The following CHST9 variants were observed in gnomAD, a reference collection of about 807,000 sequenced individuals.
CHST9 encodes carbohydrate sulfotransferase 9.
A neutral mutation model predicts 44.4 loss-of-function variants in CHST9; 41 were observed. The ratio of observed to expected loss-of-function variants is 0.92; its 90% CI spans 0.72 to 1.20. The LOEUF (loss-of-function observed/expected upper bound fraction) is 1.20. Ranked by LOEUF, CHST9 falls within the 50% of genes most tolerant of loss-of-function variation. The probability of loss-of-function intolerance (pLI) is 0.00; values close to 1 mark genes in which losing one functional copy is unlikely to be tolerated. For synonymous variants in CHST9, 171 were observed against 178.4 expected (o/e 0.96, Z 0.33); for missense variants, 504 against 516.5 (o/e 0.98, Z 0.23).
intron 2 of CHST9, among the ~76,000 whole-genome samples, chr18:27,137,107 T>C (rs150541316): frequency 0.01 from 1,571 of 152,140 alleles, 30 homozygotes; most frequent in African/African-American, 0.036. Context: ...ATACAGACAA[T>C]TAATAAGTCA....
chr18:27,052,076 T>C (rs1295651433), intron 2 of CHST9, among the ~76,000 whole-genome samples: 1 of 151,892 alleles, frequency 6.6e-6, no homozygotes, highest in Non-Finnish European at 1.5e-5. Flanking sequence ...CCTCAAATAA[T>C]TTTTTTTATG....
intron 2 of CHST9, among the ~76,000 whole-genome samples, chr18:27,141,591 C>CAAAA (rs34920055): frequency 3.4e-3 from 168 of 49,932 alleles, no homozygotes; most frequent in Middle Eastern, 0.021. Context: ...AATCCCGACT[C>CAAAA]AAAAAAAAAA....
chr18:27,125,744 C>G (rs759323196), intron 2 of CHST9, among the ~76,000 whole-genome samples: 9 of 152,146 alleles, frequency 5.9e-5, no homozygotes, highest in Non-Finnish European at 1.2e-4. Context: ...GGGAAGCTTC[C>G]TGAGAAGATA....
chr18:27,056,404 T>C (rs560681651), intron 2 of CHST9, among the ~76,000 whole-genome samples: 37 of 152,298 alleles, frequency 2.4e-4, no homozygotes, highest in African/African-American at 8.4e-4. Context: ...TTTTTAGCTG[T>C]GGTGATTAAG....
In CHST9 at chr18:27,095,918, A is replaced by G. The variant is rs1075312; in HGVS notation, c.121+46771T>C. Among the ~76,000 whole-genome samples the G allele has an allele frequency of 5.3e-3, 800 of 152,108 alleles. 5 individuals carry two copies. The highest frequency in any genetic ancestry group is 0.01 in the Middle Eastern group (3 of 294). On this transcript the variant is annotated intron_variant, in intron 2 of 5. Transcript: ENST00000618847. ...CGAAGAAATTCTGGACTTAAACTGAACATGTGACCAATTGGACCTAATAGA... is the reference window on the plus strand; with the variant it reads ...CGAAGAAATTCTGGACTTAAACTGAGCATGTGACCAATTGGACCTAATAGA...
intron 2 of CHST9, among the ~76,000 whole-genome samples, chr18:27,054,576 CTT>C (rs1283843723): frequency 1.3e-5 from 2 of 152,212 alleles, no homozygotes; most frequent in East Asian, 3.9e-4. Context: ...CTATTTTAGA[CTT>C]GAGGTTGTGG....
At chr18:27,111,907 A>C (rs1161531459) in intron 2 of CHST9, among the ~76,000 whole-genome samples, 1 of 148,094 alleles carries the variant, frequency 6.8e-6, no homozygotes, top group Non-Finnish European at 1.5e-5. Flanking sequence ...CTTGGACTGG[A>C]ATCTACACCA....
chr18:27,094,065 A>G (rs1386883356), intron 2 of CHST9, among the ~76,000 whole-genome samples: 1 of 152,170 alleles, frequency 6.6e-6, no homozygotes, highest in Admixed American at 6.5e-5. Flanking sequence ...TTTCACAATG[A>G]GAGAATTAAA....
chr18:27,147,664 C>CAG (rs949648230), intron 1 of CHST9: 1 of 152,364 alleles, frequency 6.6e-6, no homozygotes, highest in African/African-American at 2.4e-5. Flanking sequence ...CTCTGAAAAA[C>CAG]AGGAGTCCTC....
At chr18:27,124,375 CAA>C (rs1212615998) in intron 2 of CHST9, among the ~76,000 whole-genome samples, 11 of 152,276 alleles carry the variant, frequency 7.2e-5, no homozygotes, top group African/African-American at 2.2e-4. Context: ...TGTGAATGAA[CAA>C]AGACTTATGC....
In CHST9 at chr18:26,916,577, C is replaced by G. The variant is rs751254187; in HGVS notation, c.1014G>C (p.Leu338=). The change falls in exon 6 of 6, where the codon CTG becomes CTC. Residue 338 remains leucine (L), a synonymous_variant. Coordinates refer to ENST00000618847, the MANE Select transcript of CHST9 (RefSeq NM_031422.6). ...CCATTCCTACTGGACGGTGGGAATC[C>G]AGCAAGTAGTGGATAAACTCTTTGA... is the stretch of plus-strand genomic sequence containing the variant. The part of the protein sequence containing the change: ...VKFKEFIHYL[L]DSHRPVGMDI... The G allele has an allele frequency of 3.1e-6, 5 of 1,613,696 alleles. No individual in the cohort carries two copies. In the African/African-American group the frequency reaches 4.0e-5, roughly 13 times the overall value.
At chr18:26,998,576 A>G (rs1175941955) in intron 4 of CHST9, among the ~76,000 whole-genome samples, 2 of 152,024 alleles carry the variant, frequency 1.3e-5, no homozygotes, top group African/African-American at 4.8e-5. Flanking sequence ...AGATACAAAA[A>G]TTAGCTGGGT....
At position 26,923,131 on chromosome 18, in the gene CHST9, G is replaced by A. The variant is rs969728965; in HGVS notation, c.241-5781C>T. 3.3e-5 allele frequency among the ~76,000 whole-genome samples: 5 copies of A among 152,298 alleles called. No individual in the cohort carries two copies. The East Asian group carries it at 9.6e-4, about 29-fold the overall frequency. On this transcript the variant is annotated intron_variant, in intron 5 of 5. Transcript: ENST00000618847. ...CAAGTGCGGACTTTATTCATATACA[G>A]TTGGTATTCTCATAGGGAAAAGTAT... is the stretch of plus-strand genomic sequence containing the variant.
At chr18:27,108,444 AT>A (rs1163599305) in intron 2 of CHST9, among the ~76,000 whole-genome samples, 1 of 152,158 alleles carries the variant, frequency 6.6e-6, no homozygotes, top group Non-Finnish European at 1.5e-5. Flanking sequence ...ATATTAAATT[AT>A]TTTTCACTTT....
chr18:27,135,055 CA>C (rs1046450774), intron 2 of CHST9, among the ~76,000 whole-genome samples: 1 of 151,918 alleles, frequency 6.6e-6, no homozygotes, highest in Non-Finnish European at 1.5e-5. Flanking sequence ...TTTTTTACCA[CA>C]AAAAAATTAG....
Position 27,088,727 on chromosome 18 carries a change from A to G in CHST9, c.122-40224T>C, listed in dbSNP as rs115730436. Among the ~76,000 whole-genome samples the G allele has an allele frequency of 4.8e-3, 734 of 152,062 alleles. 5 individuals are homozygous for G. The highest frequency in any genetic ancestry group is 0.017 in the African/African-American group (713 of 41,482). On this transcript the variant is annotated intron_variant, in intron 2 of 5. Transcript: ENST00000618847. ...TTTTTTAATGCCTGTGTGCTGGGAA[A>G]CTTCCCTTAGGGATAGACAAGGACT... is the stretch of plus-strand genomic sequence containing the variant.
intron 2 of CHST9, among the ~76,000 whole-genome samples, chr18:27,131,320 C>T (rs1159829688): frequency 6.6e-6 from 1 of 152,076 alleles, no homozygotes; most frequent in South Asian, 2.1e-4. Context: ...GAGGATGAGG[C>T]AGGTGGATCA....
intron 4 of CHST9, among the ~76,000 whole-genome samples, chr18:26,977,897 C>T (rs1316848551): frequency 1.3e-5 from 2 of 152,012 alleles, no homozygotes; most frequent in South Asian, 2.1e-4. Flanking sequence ...GGGCATGATG[C>T]GTGCACCACC....
chr18:27,052,877 A>G (rs1359200812), intron 2 of CHST9, among the ~76,000 whole-genome samples: 1 of 151,946 alleles, frequency 6.6e-6, no homozygotes, highest in Non-Finnish European at 1.5e-5. Flanking sequence ...AACAATGAGA[A>G]CACAAGGACA....
Sources: gnomAD v4.1 joint callset for allele counts (sites outside exome capture counted in the v4.1 genomes callset) on GRCh38, gnomAD v4.1.1 for gene constraint, MANE v1.5 for transcripts, NCBI Gene and HGNC (gene_info 2026-07-23, HGNC 2026-07-21) for gene names.